UGT1A6: variants seen among roughly 807,000 people sequenced by gnomAD.
UGT1A6 encodes the protein UDP-glucuronosyltransferase 1A6.
Under a neutral mutation model 44.4 loss-of-function variants are expected in UGT1A6, and 32 were observed. The ratio of observed to expected loss-of-function variants is 0.72; its 90% CI spans 0.54 to 0.97. The LOEUF is 0.97. UGT1A6 is among the 50% of genes least tolerant of loss of function. The probability of loss-of-function intolerance (pLI) is 0.00; values close to 1 mark genes in which losing one functional copy is unlikely to be tolerated. For synonymous variants in UGT1A6, 238 were observed against 248.5 expected, an observed-to-expected ratio of 0.96 and a Z score of 0.40; for missense variants, 685 against 661.9, an observed-to-expected ratio of 1.03 and a Z score of -0.38.
In UGT1A6 at chr2:233,738,655, C is replaced by T. The variant is rs542122703; in HGVS notation, c.862-28379C>T. Among the ~76,000 whole-genome samples, 17 of 152,092 alleles carry T rather than the reference C, an allele frequency of 1.1e-4. No homozygotes were observed. The East Asian group carries it at 1.4e-3, about 12-fold the overall frequency. On this transcript the variant is annotated intron_variant, in intron 1 of 4. Coordinates refer to ENST00000305139, the MANE Select transcript of UGT1A6 (RefSeq NM_001072.4). Reference sequence around the variant, plus strand: ...CCTGCCCTAGAGCTCTTTGGAACTACGAACTTGAGAGAGATGATCTGAAAT... The same window carrying T: ...CCTGCCCTAGAGCTCTTTGGAACTATGAACTTGAGAGAGATGATCTGAAAT...
At chr2:233,744,867 G>T (rs1318227544) in intron 1 of UGT1A6, among the ~76,000 whole-genome samples, 4 of 151,860 alleles carry the variant, frequency 2.6e-5, no homozygotes, top group African/African-American at 7.3e-5. Flanking sequence ...ATTCTGAAGG[G>T]ATTAGTTTAG....
intron 1 of UGT1A6, among the ~76,000 whole-genome samples, chr2:233,732,565 C>G (rs891048525): frequency 2.0e-5 from 3 of 152,178 alleles, no homozygotes; most frequent in African/African-American, 7.2e-5. Context: ...AATAAGGAAT[C>G]CTTTCCCCAT....
chr2:233,762,970 T>A (rs916138811), intron 1 of UGT1A6, among the ~76,000 whole-genome samples: 1 of 152,240 alleles, frequency 6.6e-6, no homozygotes, highest in South Asian at 2.1e-4. Context: ...GATGCCCGTC[T>A]TGCTGCTATT....
rs146146688 is a variant in UGT1A6 at position 233,719,081 on chromosome 2, G to T, written c.861+25216G>T. 1.8e-5 allele frequency: 29 copies of T among 1,614,132 alleles called. No individual in the cohort carries two copies. In the East Asian group the frequency reaches 3.3e-4, roughly 19 times the overall value. On this transcript the variant is annotated intron_variant, in intron 1 of 4. Transcript: ENST00000305139. ...CCTATGCTGTTCCATGGACCCAGAA[G>T]GAATTTGATCGCGTTACGCTGGGCT...
intron 1 of UGT1A6, among the ~76,000 whole-genome samples, chr2:233,727,195 C>T (rs2077591611): frequency 6.6e-6 from 1 of 152,150 alleles, no homozygotes; most frequent in Non-Finnish European, 1.5e-5. Flanking sequence ...GCTGGGGTGA[C>T]CTCACTGACA....
At chr2:233,763,966 T>C (rs189385598) in intron 1 of UGT1A6, among the ~76,000 whole-genome samples, 68 of 152,296 alleles carry the variant, frequency 4.5e-4, no homozygotes, top group Admixed American at 7.2e-4. Flanking sequence ...GGTTGAGATA[T>C]ATGTGGGTTA....
rs114000345 is a variant in UGT1A6 at position 233,767,118 on chromosome 2, A to G, written c.946A>G (p.Lys316Glu). 1.2e-6 allele frequency: 2 copies of G among 1,614,162 alleles called. No homozygotes were observed. The highest frequency in any genetic ancestry group is 2.2e-5 in the East Asian group (1 of 44,866). The change falls in exon 2 of 5, where the codon AAG becomes GAG. Residue 316 changes from lysine (K) to glutamate (E), a missense_variant. Transcript: ENST00000305139. ...ATCAATGGTCTCAGAAATTCCAGAG[A>G]AGAAAGCTATGGCAATTGCTGATGC... is the stretch of plus-strand genomic sequence containing the variant. ...LGSMVSEIPE[K>E]KAMAIADALG...
intron 4 of UGT1A6, among the ~76,000 whole-genome samples, chr2:233,771,924 G>A (rs1363047939): frequency 1.3e-5 from 2 of 151,928 alleles, no homozygotes; most frequent in Non-Finnish European, 2.9e-5. Context: ...AACACAGCCT[G>A]GGCAACACAA....
chr2:233,770,091 G>A (rs1182025509), intron 4 of UGT1A6: 1 of 152,674 alleles, frequency 6.5e-6, no homozygotes, highest in East Asian at 1.9e-4. Context: ...CAGTGGTATA[G>A]ATAACTACTT....
chr2:233,760,044 T>C (rs183598295), intron 1 of UGT1A6, among the ~76,000 whole-genome samples: 36 of 152,234 alleles, frequency 2.4e-4, no homozygotes, highest in East Asian at 9.6e-4. Context: ...CTTTGCTGTG[T>C]TCACTCAAGA....
At chr2:233,712,679 A>G (rs1030687353) in intron 1 of UGT1A6, among the ~76,000 whole-genome samples, 1 of 152,224 alleles carries the variant, frequency 6.6e-6, no homozygotes, top group African/African-American at 2.4e-5. Context: ...AGACAGTGAC[A>G]TGAAATGGGG....
At chr2:233,692,755 G>A (rs1416113067), upstream of UGT1A6, 3 of 1,150,320 alleles carry the variant, frequency 2.6e-6, no homozygotes, top group Non-Finnish European at 3.4e-6. Flanking sequence ...CAGACTTGTG[G>A]AGCTGAAGAG....
rs750401894 is a variant in UGT1A6, at chr2:233,768,320, T to G, written c.1182T>G (p.Gly394=). Residue 394 remains glycine, a synonymous_variant, in exon 4 of 5, where the codon GGT becomes GGG. Transcript: ENST00000305139. ...CCATGGTGATGATGCCCTTGTTTGG[T>G]GATCAGATGGACAATGCAAAGCGCA... ...GVPMVMMPLF[G]DQMDNAKRME... The G allele has an allele frequency of 2.5e-6, 4 of 1,614,162 alleles. No homozygotes were observed. The Admixed American group carries it at 6.7e-5, about 27-fold the overall frequency.
chr2:233,755,170 T>C (rs1240762958), intron 1 of UGT1A6: 2 of 1,262,070 alleles, frequency 1.6e-6, no homozygotes, highest in Non-Finnish European at 2.2e-6. Context: ...TCGGGGTTTT[T>C]GTCGGGGTGC....
chr2:233,704,212 A>G (rs533742859), intron 1 of UGT1A6, among the ~76,000 whole-genome samples: 2 of 141,756 alleles, frequency 1.4e-5, no homozygotes, highest in East Asian at 4.1e-4. Flanking sequence ...TTTATGCTCT[A>G]TATCTCTCAT....
chr2:233,744,010 C>T, intron 1 of UGT1A6: 1 of 1,130,886 alleles, frequency 8.8e-7, no homozygotes, highest in Non-Finnish European at 1.2e-6. Context: ...GAGACCTGGG[C>T]CGCCTGGAGA....
intron 1 of UGT1A6, chr2:233,743,329 A>G: frequency 4.0e-6 from 3 of 753,958 alleles, no homozygotes; most frequent in East Asian, 1.3e-4. Context: ...ACCATCAACT[A>G]TTTCAGTGGA....
chr2:233,718,990 A>T (rs772339197), intron 1 of UGT1A6: 1 of 1,614,266 alleles, frequency 6.2e-7, no homozygotes, highest in Non-Finnish European at 8.5e-7. Flanking sequence ...AGAGGCCACC[A>T]GGCGGTGGTC....
At chr2:233,755,174 G>C (rs868590389) in intron 1 of UGT1A6, 4 of 1,248,738 alleles carry the variant, frequency 3.2e-6, no homozygotes, top group African/African-American at 3.0e-5. Flanking sequence ...GGTTTTTGTC[G>C]GGGTGCCACT....
Sources: gnomAD v4.1 joint callset for allele counts (sites outside exome capture counted in the v4.1 genomes callset) on GRCh38, gnomAD v4.1.1 for gene constraint, MANE v1.5 for transcripts, NCBI Gene and HGNC (gene_info 2026-07-23, HGNC 2026-07-21) for gene names.